Variants in DPP10 observed in about 807,000 individuals in gnomAD.
DPP10 encodes dipeptidyl peptidase like 10.
Under a neutral mutation model 120.9 loss-of-function variants are expected in DPP10, and 33 were observed. That is an observed-to-expected ratio of 0.27 (90% CI 0.21 to 0.37). The LOEUF (loss-of-function observed/expected upper bound fraction) is 0.37. DPP10 is among the 10% of genes least tolerant of loss of function. The probability of loss-of-function intolerance (pLI) is 1.00; values close to 1 mark genes in which losing one functional copy is unlikely to be tolerated. For missense variants in DPP10, 816 were observed against 942.8 expected (o/e 0.87, Z 1.76); for synonymous variants, 337 against 326.1 (o/e 1.03, Z -0.36).
chr2:115,383,014 C>G (rs778285426), intron 3 of DPP10, among the ~76,000 whole-genome samples: 24 of 152,152 alleles, frequency 1.6e-4, no homozygotes, highest in Non-Finnish European at 5.9e-5. Flanking sequence ...TATGATTTTT[C>G]AATTTCTCAT....
intron 1 of DPP10, among the ~76,000 whole-genome samples, chr2:114,816,902 T>C (rs1381436115): frequency 1.3e-5 from 2 of 152,234 alleles, no homozygotes; most frequent in Non-Finnish European, 2.9e-5. Flanking sequence ...ATGAAGCTTC[T>C]AAAAAGCTGA....
chr2:115,036,782 G>A (rs138925918), intron 1 of DPP10, among the ~76,000 whole-genome samples: 127 of 152,130 alleles, frequency 8.3e-4, no homozygotes, highest in African/African-American at 2.9e-3. Flanking sequence ...AGAACAAAAA[G>A]TTGTTTACTT....
intron 1 of DPP10, among the ~76,000 whole-genome samples, chr2:114,896,315 T>C (rs10178534): frequency 0.012 from 1,867 of 152,328 alleles, 32 homozygotes; most frequent in African/African-American, 0.043. Flanking sequence ...ATCTATAAAT[T>C]ACATTGGGAA....
rs146446257 is a variant in DPP10, at chr2:114,506,494, A to G, written c.60+63656A>G. Among the ~76,000 whole-genome samples the G allele has an allele frequency of 2.6e-5, 4 of 152,290 alleles. No homozygotes were observed. The East Asian group carries it at 7.7e-4, about 29-fold the overall frequency. ...GAGTGCGGGTACAAAAGGCTGTCAC[A>G]CTGACCTTCCACTGAGCTTTTAACA... On this transcript the variant is annotated intron_variant, in intron 1 of 25. Coordinates refer to ENST00000410059, the MANE Select transcript of DPP10 (RefSeq NM_020868.6).
chr2:115,754,130 C>A (rs1013628606), intron 11 of DPP10, among the ~76,000 whole-genome samples: 1 of 152,106 alleles, frequency 6.6e-6, no homozygotes, highest in Non-Finnish European at 1.5e-5. Flanking sequence ...ATTCACAACA[C>A]TTTTGAGACC....
intron 1 of DPP10, among the ~76,000 whole-genome samples, chr2:114,730,558 A>G (rs1391853232): frequency 6.6e-6 from 1 of 152,070 alleles, no homozygotes; most frequent in Non-Finnish European, 1.5e-5. Context: ...ATTATCTACC[A>G]TGGGTTTTGT....
At chr2:115,683,408 C>T (rs577137321) in intron 5 of DPP10, among the ~76,000 whole-genome samples, 7 of 151,914 alleles carry the variant, frequency 4.6e-5, no homozygotes, top group African/African-American at 1.4e-4. Flanking sequence ...TGTGTGATAC[C>T]GTAATCATGA....
intron 3 of DPP10, among the ~76,000 whole-genome samples, chr2:115,493,829 G>A (rs1288398312): frequency 1.3e-5 from 2 of 152,150 alleles, no homozygotes; most frequent in African/African-American, 4.8e-5. Flanking sequence ...ACAGAGAATA[G>A]CTTGTATGGC....
chr2:115,429,290 T>C (rs1193411516), intron 3 of DPP10, among the ~76,000 whole-genome samples: 1 of 152,060 alleles, frequency 6.6e-6, no homozygotes, highest in Non-Finnish European at 1.5e-5. Context: ...GCTACTGTAA[T>C]GTTTAAACTG....
At chr2:115,691,864 A>T (rs1405841308) in intron 7 of DPP10, among the ~76,000 whole-genome samples, 1 of 152,126 alleles carries the variant, frequency 6.6e-6, no homozygotes, top group Non-Finnish European at 1.5e-5. Context: ...TTTATATCTA[A>T]AAATTTACAC....
In DPP10 at chr2:115,153,243, G is replaced by T. The variant is rs2051683641; in HGVS notation, c.61-155996G>T. On this transcript the variant is annotated intron_variant, in intron 1 of 25. Transcript: ENST00000410059. ...TCTTTAAAAGATATTATGAAACAGG[G>T]TATTTTCTTCTGATAAGAAATGCAG... 2.0e-5 allele frequency among the ~76,000 whole-genome samples: 3 copies of T among 152,232 alleles called. No individual in the cohort carries two copies. The South Asian group carries it at 6.2e-4, about 32-fold the overall frequency.
rs955580564 is a variant in DPP10, at chr2:115,791,546, G to A, written c.1700+190G>A. Among the ~76,000 whole-genome samples, 4 of 152,176 alleles carry A rather than the reference G, an allele frequency of 2.6e-5. No individual in the cohort carries two copies. In the East Asian group the frequency reaches 7.7e-4, roughly 29 times the overall value. On this transcript the variant is annotated intron_variant, in intron 19 of 25. Transcript: ENST00000410059. ...TGTATAAAGATGTGTAAATTTTTTT[G>A]AACTTCTTGCATCCCACATGGAGTT...
chr2:115,497,007 A>G (rs1579933), intron 3 of DPP10, among the ~76,000 whole-genome samples: 76,964 of 151,806 alleles, frequency 0.51, 22,504 homozygotes, highest in Non-Finnish European at 0.67. Context: ...TGGTTGAGTC[A>G]TGAGTCCAGG....
rs201649163 is a variant in DPP10 at position 115,095,585 on chromosome 2, GT to G, written c.61-213642del. Among the ~76,000 whole-genome samples, 159 of 86,250 alleles carry G rather than the reference GT, an allele frequency of 1.8e-3. 2 individuals are homozygous for G. The Middle Eastern group carries it at 0.032, about 17-fold the overall frequency. The allele number at this position is 86,250 out of a possible 152,430, so 56.6% of individuals were successfully genotyped here. ...TGCAATTCTGTTTGGTTTTTTTTTT[GT>G]TTTTTTTTTTTGATACGGAGTCTCA... On this transcript the variant is annotated intron_variant, in intron 1 of 25. Transcript: ENST00000410059.
At chr2:114,472,391 T>C (rs1679994741) in intron 1 of DPP10, among the ~76,000 whole-genome samples, 1 of 152,212 alleles carries the variant, frequency 6.6e-6, no homozygotes, top group South Asian at 2.1e-4. Flanking sequence ...GATTTATAAT[T>C]GCAAGCTTTC....
intron 1 of DPP10, among the ~76,000 whole-genome samples, chr2:114,723,756 T>C (rs1701861371): frequency 6.6e-6 from 1 of 152,214 alleles, no homozygotes; most frequent in Non-Finnish European, 1.5e-5. Context: ...TTCTTCATCT[T>C]CTTTGACAAG....
At chr2:114,595,820 C>G (rs1490102875) in intron 1 of DPP10, among the ~76,000 whole-genome samples, 1 of 152,146 alleles carries the variant, frequency 6.6e-6, no homozygotes, top group African/African-American at 2.4e-5. Flanking sequence ...AAGTATACTA[C>G]TTCAGGCACC....
intron 1 of DPP10, among the ~76,000 whole-genome samples, chr2:115,256,037 A>G (rs2058971546): frequency 1.3e-5 from 2 of 152,098 alleles, no homozygotes; most frequent in Admixed American, 6.5e-5. Context: ...GTACCAATTT[A>G]CTATAGTAGT....
chr2:114,651,954 G>A (rs1696617283), intron 1 of DPP10, among the ~76,000 whole-genome samples: 2 of 152,108 alleles, frequency 1.3e-5, no homozygotes, highest in South Asian at 2.1e-4. Flanking sequence ...AGTAAATCTG[G>A]GATGTCTCTG....
Sources: gnomAD v4.1 joint callset for allele counts (sites outside exome capture counted in the v4.1 genomes callset) on GRCh38, gnomAD v4.1.1 for gene constraint, MANE v1.5 for transcripts, NCBI Gene and HGNC (gene_info 2026-07-23, HGNC 2026-07-21) for gene names.